The following TIMM23 variants were observed in gnomAD, a reference collection of about 807,000 sequenced individuals.
TIMM23 encodes mitochondrial import inner membrane translocase subunit Tim23.
Under a neutral mutation model 30.7 loss-of-function variants are expected in TIMM23, and 19 were observed. That is an observed-to-expected ratio of 0.62 (90% CI 0.43 to 0.91). TIMM23 has a LOEUF of 0.91. Among genes scored for constraint, TIMM23 ranks in the 40% least tolerant of loss-of-function variants. TIMM23 has a pLI of 0.00. For synonymous variants in TIMM23, 78 were observed against 98.5 expected, an observed-to-expected ratio of 0.79 and a Z score of 1.23; for missense variants, 202 against 269.2, an observed-to-expected ratio of 0.75 and a Z score of 1.75.
At position 45,982,769 on chromosome 10, in the gene TIMM23, G is replaced by A. The variant is rs1837884870; in HGVS notation, c.260-77G>A. On this transcript the variant is annotated intron_variant, in intron 3 of 6. Transcript: ENST00000580018. ...AAATAAAAATGAAAAAGAATCAGAA[G>A]TGTAGTTATGCAGATTTGAGTTTGT... The A allele has an allele frequency of 3.1e-6, 5 of 1,601,446 alleles. No homozygotes were observed. In the South Asian group the frequency reaches 3.3e-5, roughly 11 times the overall value.
intron 4 of TIMM23, 90 bp from the exon 5 acceptor site, chr10:45,985,293 T>C: frequency 6.6e-7 from 1 of 1,525,502 alleles, no homozygotes; most frequent in South Asian, 1.1e-5. Flanking sequence ...GCCCTGGGTC[T>C]AGACATGTTA....
chr10:45,981,248 A>G (rs1471431071), intron 2 of TIMM23, among the ~76,000 whole-genome samples: 3 of 106,386 alleles, frequency 2.8e-5, no homozygotes, highest in Non-Finnish European at 5.6e-5. Flanking sequence ...CAAGTTTTCT[A>G]TTCTTAATTA....
At chr10:45,977,798 G>A (rs1837718497) in intron 2 of TIMM23, among the ~76,000 whole-genome samples, 1 of 152,204 alleles carries the variant, frequency 6.6e-6, no homozygotes, top group African/African-American at 2.4e-5. Context: ...TTGGGAGGCT[G>A]AGGTGGGTAG....
intron 1 of TIMM23, 48 bp downstream of exon 1, chr10:45,972,778 C>T (rs1554912074): frequency 4.4e-6 from 7 of 1,608,548 alleles, no homozygotes; most frequent in South Asian, 2.2e-5. Flanking sequence ...GTTTTTGCGT[C>T]TACACTAAGT....
At chr10:45,991,113 A>G (rs1304144384) in intron 6 of TIMM23, among the ~76,000 whole-genome samples, 1 of 152,236 alleles carries the variant, frequency 6.6e-6, no homozygotes, top group African/African-American at 2.4e-5. Flanking sequence ...ATTTCTAGAA[A>G]AGGGAAAGAA....
chr10:45,981,806 C>G (rs1470397657), intron 2 of TIMM23, among the ~76,000 whole-genome samples: 1 of 152,022 alleles, frequency 6.6e-6, no homozygotes, highest in African/African-American at 2.4e-5. Flanking sequence ...TTTTTTTAAT[C>G]CAACATGGTG....
chr10:45,990,585 T>C (rs1838137144), intron 6 of TIMM23: 1 of 358,660 alleles, frequency 2.8e-6, no homozygotes, highest in Non-Finnish European at 5.4e-6. Context: ...ACCCAGCTAA[T>C]TATTTTTTTT....
chr10:45,992,178 A>G (rs1394872410), intron 6 of TIMM23, among the ~76,000 whole-genome samples: 3 of 151,974 alleles, frequency 2.0e-5, no homozygotes, highest in Non-Finnish European at 4.4e-5. Flanking sequence ...GGGTCTTGCT[A>G]TGTTACCCAG....
intron 2 of TIMM23, among the ~76,000 whole-genome samples, chr10:45,980,915 GC>G (rs1837821769): frequency 6.7e-6 from 1 of 149,362 alleles, no homozygotes; most frequent in African/African-American, 2.5e-5. Flanking sequence ...GTTCATCACA[GC>G]CTTTTTTTTT....
chr10:45,982,446 G>A (rs1369416287), intron 2 of TIMM23, 77 bp from the exon 3 acceptor site: 2 of 1,485,614 alleles, frequency 1.3e-6, no homozygotes, highest in African/African-American at 2.8e-5. Context: ...AAACTACTTT[G>A]AAATGTTAAA....
At chr10:45,994,444 T>A (rs1266099418) in intron 6 of TIMM23, among the ~76,000 whole-genome samples, 1 of 134,576 alleles carries the variant, frequency 7.4e-6, no homozygotes, top group Non-Finnish European at 1.6e-5. Flanking sequence ...GCTCTGTACC[T>A]ACTATGTTGA....
intron 2 of TIMM23, among the ~76,000 whole-genome samples, chr10:45,980,885 A>T (rs1346960408): frequency 8.8e-5 from 13 of 148,508 alleles, no homozygotes; most frequent in Admixed American, 4.0e-4. Context: ...GCTAACGTGC[A>T]CTTTTGCTTG....
intron 1 of TIMM23, among the ~76,000 whole-genome samples, chr10:45,973,995 T>C (rs2132237145): frequency 6.6e-6 from 1 of 152,234 alleles, no homozygotes; most frequent in South Asian, 2.1e-4. Flanking sequence ...TCTCTGAGTT[T>C]CAGAGCACAA....
At chr10:45,991,981 T>C (rs1312851884) in intron 6 of TIMM23, among the ~76,000 whole-genome samples, 4 of 151,924 alleles carry the variant, frequency 2.6e-5, no homozygotes, top group Non-Finnish European at 5.9e-5. Flanking sequence ...TGTTTTTTTT[T>C]TTTGAGTTGG....
intron 6 of TIMM23, 136 bp from the exon 7 acceptor site, chr10:46,003,067 T>C: frequency 1.6e-6 from 1 of 618,752 alleles, no homozygotes. Flanking sequence ...TCCACCCACC[T>C]CGGCCTCCCG....
rs1247439243 is a variant in TIMM23, at chr10:46,003,372, T to C, written c.*54T>C. ...ACTTCAGTAGTCATCTAGATCCTTT[T>C]ATAAGACAGTTTGGAGTTATTCTCT... On this transcript the variant is annotated 3_prime_UTR_variant, in exon 7 of 7. Coordinates refer to ENST00000580018, the MANE Select transcript of TIMM23 (RefSeq NM_006327.4). 11 of 1,238,476 alleles carry C rather than the reference T, an allele frequency of 8.9e-6. No homozygotes were observed. In the Admixed American group the frequency reaches 2.0e-4, roughly 23 times the overall value. The allele number at this position is 1,238,476 out of a possible 1,614,324, so 76.7% of individuals were successfully genotyped here.
chr10:45,991,775 G>GA (rs1398844065), intron 6 of TIMM23, among the ~76,000 whole-genome samples: 3,391 of 151,626 alleles, frequency 0.022, 119 homozygotes, highest in African/African-American at 0.077. Flanking sequence ...AAAGAAAAAA[G>GA]AAAAAAATGA....
intron 4 of TIMM23, among the ~76,000 whole-genome samples, chr10:45,983,374 G>A (rs587627566): frequency 1.3e-5 from 2 of 152,268 alleles, no homozygotes; most frequent in South Asian, 4.2e-4. Context: ...TTATGTTTCC[G>A]AAATGATGAG....
chr10:45,979,419 C>T (rs1554913688), intron 2 of TIMM23, among the ~76,000 whole-genome samples: 3 of 152,104 alleles, frequency 2.0e-5, no homozygotes, highest in African/African-American at 7.2e-5. Flanking sequence ...GCCTCATCCT[C>T]CCAGATAGCT....
Sources: allele counts gnomAD v4.1 joint callset (sites outside exome capture counted in the v4.1 genomes callset), GRCh38; gene constraint gnomAD v4.1.1; transcripts MANE v1.5; gene names NCBI Gene and HGNC (gene_info 2026-07-23, HGNC 2026-07-21).